The following EHD4 variants were observed in gnomAD, a reference collection of about 807,000 sequenced individuals.
The protein encoded by EHD4 is EH domain containing 4.
EHD4 carries 37 observed loss-of-function variants against 51.0 expected under a neutral mutation model. The observed-to-expected ratio is 0.73, with a 90% confidence interval of 0.56 to 0.95. The LOEUF is 0.95. Among genes scored for constraint, EHD4 ranks in the 40% least tolerant of loss-of-function variants. The pLI is 0.00. For synonymous variants in EHD4, 297 were observed against 317.3 expected, an observed-to-expected ratio of 0.94 and a Z score of 0.68; for missense variants, 632 against 733.1, an observed-to-expected ratio of 0.86 and a Z score of 1.59.
At chr15:41,961,401 T>C (rs778798406) in intron 1 of EHD4, among the ~76,000 whole-genome samples, 1 of 152,262 alleles carries the variant, frequency 6.6e-6, no homozygotes, top group African/African-American at 2.4e-5. Context: ...TTGAGTGTTT[T>C]TGATGTTGTA....
At position 41,896,014 on chromosome 15, in the gene EHD4, G is replaced by T. The variant is rs999731759; in HGVS notation, c.*4631C>A. ...GACAGGGTCTTCTTAGGTTGCCCAG[G>T]CTGGTCTTGAACTCCTGGCCTCAAC... On this transcript the variant is annotated 3_prime_UTR_variant, in exon 6 of 6. Coordinates refer to ENST00000220325, the MANE Select transcript of EHD4 (RefSeq NM_139265.4). 6.6e-6 allele frequency: 1 copy of T among 152,008 alleles called. No individual in the cohort carries two copies. Among genetic ancestry groups the T allele is most frequent in the African/African-American group, 2.4e-5 (1 of 41,362 alleles). The allele number at this position is 152,008 out of a possible 1,614,324, so 9.4% of individuals were successfully genotyped here. A position where few individuals can be genotyped will look rare whatever the true frequency, so the allele number is the denominator to read the frequency against.
At chr15:41,962,558 CACA>C (rs1213195604) in intron 1 of EHD4, among the ~76,000 whole-genome samples, 5 of 149,490 alleles carry the variant, frequency 3.3e-5, no homozygotes, top group Admixed American at 1.3e-4. Flanking sequence ...AAAAAAAACC[CACA>C]ACAATATAAT....
intron 5 of EHD4, among the ~76,000 whole-genome samples, chr15:41,909,080 T>C (rs1354344562): frequency 6.6e-6 from 1 of 152,246 alleles, no homozygotes; most frequent in Admixed American, 6.5e-5. Flanking sequence ...GAGAGGTAGA[T>C]ATGCCGGTCA....
At chr15:41,951,347 A>G (rs956865468) in intron 2 of EHD4, among the ~76,000 whole-genome samples, 2 of 152,204 alleles carry the variant, frequency 1.3e-5, no homozygotes, top group African/African-American at 2.4e-5. Flanking sequence ...CTTTTATTAT[A>G]AGGCATGGAT....
chr15:41,900,474 G>A lies in EHD4; in HGVS notation c.*171C>T. 3.1e-6 allele frequency: 2 copies of A among 649,288 alleles called. No individual in the cohort carries two copies. Among genetic ancestry groups the A allele is most frequent in the East Asian group, 2.8e-5 (1 of 35,780 alleles). 40.2% of individuals were successfully genotyped at this position (649,288 alleles called of 1,614,324 possible). A position where few individuals can be genotyped will look rare whatever the true frequency, so the allele number is the denominator to read the frequency against. Reference sequence around the variant, plus strand: ...TTTTCATAGAAACTAAGGGAATTTTGGAGGTGAAAGAAGTCATCTAGTTTC... The same window carrying A: ...TTTTCATAGAAACTAAGGGAATTTTAGAGGTGAAAGAAGTCATCTAGTTTC... On this transcript the variant is annotated 3_prime_UTR_variant, in exon 6 of 6. Coordinates refer to ENST00000220325, the MANE Select transcript of EHD4 (RefSeq NM_139265.4). This position sits in a 1 kb window ranked among gnomAD's most constrained non-coding sequence, Gnocchi z 4.8.
intron 1 of EHD4, among the ~76,000 whole-genome samples, chr15:41,962,875 AAG>A (rs1406713993): frequency 1.3e-5 from 2 of 152,220 alleles, no homozygotes; most frequent in African/African-American, 4.8e-5. Context: ...GGGGAAAAGA[AAG>A]AGAGATCAGA....
chr15:41,950,197 G>A (rs1384296889), intron 2 of EHD4, among the ~76,000 whole-genome samples: 2 of 152,130 alleles, frequency 1.3e-5, no homozygotes, highest in East Asian at 1.9e-4. Flanking sequence ...ACCCCTTGTC[G>A]CTCCTTAGAA....
intron 4 of EHD4, among the ~76,000 whole-genome samples, chr15:41,911,557 C>T (rs57854977): frequency 6.6e-6 from 1 of 152,174 alleles, no homozygotes. Flanking sequence ...CAGGGAGAAC[C>T]AGCTGCTCAC....
chr15:41,927,068 A>T (rs2067667527), intron 3 of EHD4, among the ~76,000 whole-genome samples: 1 of 152,232 alleles, frequency 6.6e-6, no homozygotes, highest in South Asian at 2.1e-4. Context: ...TCCCGGGGAT[A>T]GAGTCTTATA....
At chr15:41,923,686 G>A (rs182457765) in intron 3 of EHD4, among the ~76,000 whole-genome samples, 1 of 152,354 alleles carries the variant, frequency 6.6e-6, no homozygotes, top group African/African-American at 2.4e-5. Context: ...AAATTGTACA[G>A]ATAGGTTTAT....
At chr15:41,914,817 G>A (rs1595532236) in intron 4 of EHD4, among the ~76,000 whole-genome samples, 1 of 126,056 alleles carries the variant, frequency 7.9e-6, no homozygotes, top group South Asian at 2.5e-4. Context: ...ATGGAGTCTT[G>A]CTTTGTCGCC....
At chr15:41,950,561 C>T (rs74403139) in intron 2 of EHD4, among the ~76,000 whole-genome samples, 1,959 of 152,310 alleles carry the variant, frequency 0.013, 38 homozygotes, top group African/African-American at 0.045. Context: ...CATATTTGAA[C>T]GCCCTAACTA....
At chr15:41,957,043 G>C (rs1319626798) in intron 1 of EHD4, among the ~76,000 whole-genome samples, 1 of 152,172 alleles carries the variant, frequency 6.6e-6, no homozygotes, top group African/African-American at 2.4e-5. Flanking sequence ...TTTAAAATGG[G>C]GGTCTTGCTG....
chr15:41,902,818 T>C (rs917059207), intron 5 of EHD4, among the ~76,000 whole-genome samples: 3 of 132,880 alleles, frequency 2.3e-5, no homozygotes, highest in African/African-American at 5.3e-5. Context: ...TGTATATATA[T>C]GTATGTATAT....
chr15:41,970,272 G>C (rs1249419842), intron 1 of EHD4, among the ~76,000 whole-genome samples: 1 of 152,144 alleles, frequency 6.6e-6, no homozygotes, highest in African/African-American at 2.4e-5. Context: ...GGTCTACCTT[G>C]TGTACATCAC....
intron 4 of EHD4, among the ~76,000 whole-genome samples, chr15:41,915,567 G>A (rs1444859780): frequency 6.6e-6 from 1 of 152,180 alleles, no homozygotes; most frequent in Non-Finnish European, 1.5e-5. Context: ...CTCCAAATGG[G>A]TGACAGCCTT....
intron 3 of EHD4, chr15:41,928,343 TTTACAGGGGA>T (rs2067676454): frequency 6.6e-6 from 1 of 152,064 alleles, no homozygotes; most frequent in South Asian, 2.1e-4. Context: ...TTACCCCCAT[TTTACAGGGGA>T]GGAAAAAAGA....
rs1195968976 is a variant in EHD4 at position 41,900,493 on chromosome 15, T to C, written c.*152A>G. The C allele has an allele frequency of 1.3e-6, 1 of 748,020 alleles. No individual in the cohort carries two copies. Among genetic ancestry groups the C allele is most frequent in the African/African-American group, 1.8e-5 (1 of 56,542 alleles). 46.3% of individuals were successfully genotyped at this position (748,020 alleles called of 1,614,324 possible). On this transcript the variant is annotated 3_prime_UTR_variant, in exon 6 of 6. Transcript: ENST00000220325. The surrounding 1 kb of genome is among the most constrained non-coding windows in gnomAD (Gnocchi z 4.8). ...AATTTTGGAGGTGAAAGAAGTCATCTAGTTTCCAGTGTCCACCCTCCCCAT... is the reference window on the plus strand; with the variant it reads ...AATTTTGGAGGTGAAAGAAGTCATCCAGTTTCCAGTGTCCACCCTCCCCAT...
chr15:41,910,015 G>A (rs1348290694), intron 4 of EHD4, 152 bp from the exon 5 acceptor site: 15 of 985,946 alleles, frequency 1.5e-5, no homozygotes, highest in Non-Finnish European at 2.2e-5. Context: ...TCCAGGGGGA[G>A]TGGAGCTGTC....
Sources: allele counts gnomAD v4.1 joint callset (sites outside exome capture counted in the v4.1 genomes callset), GRCh38; gene constraint gnomAD v4.1.1; non-coding constraint Gnocchi (gnomAD v3.1); transcripts MANE v1.5; gene names NCBI Gene and HGNC (gene_info 2026-07-23, HGNC 2026-07-21).